Variants in JAG2 observed in about 807,000 individuals in gnomAD.
JAG2 encodes the protein protein jagged-2.
Under a neutral mutation model 141.7 loss-of-function variants are expected in JAG2, and 46 were observed. The ratio of observed to expected loss-of-function variants is 0.32; its 90% CI spans 0.26 to 0.42. The LOEUF (loss-of-function observed/expected upper bound fraction) is 0.42, where lower values mean the gene tolerates loss of function less well. JAG2 is among the 10% of genes least tolerant of loss of function. The pLI, the probability that JAG2 is intolerant of heterozygous loss-of-function variation, is 1.00. For synonymous variants in JAG2, 862 were observed against 763.5 expected, an observed-to-expected ratio of 1.13 and a Z score of -2.13; for missense variants, 1,500 against 1,817.5, an observed-to-expected ratio of 0.83 and a Z score of 3.18.
At chr14:105,155,530 G>A in intron 5 of JAG2, 32 bp downstream of exon 5, 1 of 1,611,694 alleles carries the variant, frequency 6.2e-7, no homozygotes, top group Non-Finnish European at 8.5e-7. Context: ...GCAAAGGTTG[G>A]GAGGGCAAAG....
rs764315069 is a variant in JAG2, at chr14:105,147,318, C to T, written c.2479+8G>A. 2 of 1,552,418 alleles carry T rather than the reference C, an allele frequency of 1.3e-6. No homozygotes were observed. Among genetic ancestry groups the T allele is most frequent in the South Asian group, 1.2e-5 (1 of 84,326 alleles). On this transcript the variant is annotated splice_region_variant and intron_variant, in intron 20 of 25. Coordinates refer to ENST00000331782, the MANE Select transcript of JAG2 (RefSeq NM_002226.5). ...GGCTCCCAGGGCTGGGGCTGTCTGG[C>T]CACTCACTGATGCGGCAGTCAGGCC...
Position 105,168,065 on chromosome 14 carries a change from G to C in JAG2, c.109C>G (p.Leu37Val). ...MGYFELQLSA[L>V]RNVNGELLSG... ...AGCAGCTCCCCGTTCACGTTCCGCA[G>C]CGCGCTCAGCTGCAGCTCGAAATAG... The change falls in exon 2 of 26, where the codon CTG becomes GTG. Residue 37 changes from leucine to valine, a missense_variant. Around this residue, in one of 3 missense-constraint regions of JAG2, gnomAD observed 200 missense variants for 174.3 expected, o/e 1.15. Transcript: ENST00000331782. 1 of 1,589,666 alleles carries C rather than the reference G, an allele frequency of 6.3e-7. No homozygotes were observed. Among genetic ancestry groups the C allele is most frequent in the East Asian group, 2.3e-5 (1 of 43,852 alleles).
In JAG2 at chr14:105,147,655, T is replaced by TGGGGGC. The variant is rs1415231569; in HGVS notation, c.2365+111_2365+116dup. ...GGTCATCAAGGAGGGTGCCTTTTGC[T>TGGGGGC]GGGGGCAGGGGCAGCAGGGGGAGGG... On this transcript the variant is annotated intron_variant, in intron 18 of 25. Transcript: ENST00000331782. The TGGGGGC allele has an allele frequency of 5.2e-6, 4 of 763,420 alleles. No homozygotes were observed. In the African/African-American group the frequency reaches 9.7e-5, roughly 18 times the overall value. 47.3% of individuals were successfully genotyped at this position (763,420 alleles called of 1,614,324 possible).
Position 105,149,017 on chromosome 14 carries a change from T to C in JAG2, c.1826A>G (p.His609Arg), listed in dbSNP as rs776831662. 2 of 1,607,142 alleles carry C rather than the reference T, an allele frequency of 1.2e-6. No individual in the cohort carries two copies. Among genetic ancestry groups the C allele is most frequent in the Admixed American group, 3.4e-5 (2 of 59,466 alleles). Reference sequence around the variant, plus strand: ...CCCTGGCTGGCTGACGCAGCGTCCATGGGGGCCACACACGCCGGAGGCTGC... The same window carrying C: ...CCCTGGCTGGCTGACGCAGCGTCCACGGGGGCCACACACGCCGGAGGCTGC... The part of the protein sequence containing the change: ...GTAASGVCGP[H>R]GRCVSQPGGN... The change falls in exon 14 of 26, where the codon CAT becomes CGT. Residue 609 changes from histidine (H) to arginine (R), a missense_variant. Physicochemically the swap from His to Arg is conservative, Grantham distance 29. Around this residue, in one of 3 missense-constraint regions of JAG2, gnomAD observed 875 missense variants for 1,202.2 expected, o/e 0.73. Coordinates refer to ENST00000331782, the MANE Select transcript of JAG2 (RefSeq NM_002226.5).
intron 2 of JAG2, among the ~76,000 whole-genome samples, chr14:105,166,760 C>T (rs1888924258): frequency 6.6e-6 from 1 of 152,224 alleles, no homozygotes; most frequent in African/African-American, 2.4e-5. Flanking sequence ...CAGGTGGGCA[C>T]ACTCCGGTGC....
In JAG2 at chr14:105,145,850, C is replaced by T. The variant is rs1888206840; in HGVS notation, c.2833G>A (p.Ala945Thr). 14 of 1,561,534 alleles carry T rather than the reference C, an allele frequency of 9.0e-6. No homozygotes were observed. The highest frequency in any genetic ancestry group is 3.8e-5 in the Admixed American group (2 of 52,564). The change falls in exon 23 of 26, where the codon GCC becomes ACC. Residue 945 changes from alanine (A) to threonine (T), a missense_variant. Physicochemically the swap from Ala to Thr is moderately conservative, Grantham distance 58. This residue lies in a region of JAG2 where 425 missense variants were observed against 441.0 expected (regional missense o/e 0.96). Transcript: ENST00000331782. Reference protein sequence around the residue: ...PGQCLRPPCEAWGECGAEEPP... With the variant: ...PGQCLRPPCETWGECGAEEPP... ...TCTTCTGCGCCGCACTCCCCCCAGGCCTCACAGGGTGGTCGCAGACACTGG... is the reference window on the plus strand; with the variant it reads ...TCTTCTGCGCCGCACTCCCCCCAGGTCTCACAGGGTGGTCGCAGACACTGG...
rs374092502 is a variant in JAG2, at chr14:105,150,784, G to A, written c.1429-7C>T. The A allele has an allele frequency of 6.3e-5, 99 of 1,583,598 alleles. No individual in the cohort carries two copies. The African/African-American group carries it at 6.3e-4, about 10-fold the overall frequency. On this transcript the variant is annotated splice_region_variant and splice_polypyrimidine_tract_variant and intron_variant, in intron 11 of 25. Coordinates refer to ENST00000331782, the MANE Select transcript of JAG2 (RefSeq NM_002226.5). ...GGTACCCGTTCACCAGGTCCTGGGC[G>A]GGCCAGCCAGGTGAGCGTCCCGCAG...
rs376316136 is a variant in JAG2 at position 105,147,896 on chromosome 14, G to A, written c.2249-8C>T. 39 of 1,544,838 alleles carry A rather than the reference G, an allele frequency of 2.5e-5. 1 individual carries two copies. The South Asian group carries it at 4.2e-4, about 17-fold the overall frequency. ...GGCAGCTGCTGTTCTTGGCTGTAAG[G>A]AGAGGAGGAGGAGGGAGCGTCTCAC... On this transcript the variant is annotated splice_region_variant and splice_polypyrimidine_tract_variant and intron_variant, in intron 17 of 25. Coordinates refer to ENST00000331782, the MANE Select transcript of JAG2 (RefSeq NM_002226.5).
intron 5 of JAG2, among the ~76,000 whole-genome samples, chr14:105,152,780 G>GTAAAGTCCCACAAGGTACC (rs1472266926): frequency 6.6e-6 from 1 of 152,128 alleles, no homozygotes; most frequent in African/African-American, 2.4e-5. Context: ...CTCGCTCCCA[G>GTAAAGTCCCACAAGGTACC]TAAAGTCCCA....
At position 105,142,966 on chromosome 14, in the gene JAG2, T is replaced by C; in HGVS notation, c.3446A>G (p.Tyr1149Cys). 1 of 1,610,374 alleles carries C rather than the reference T, an allele frequency of 6.2e-7. No homozygotes were observed. Among genetic ancestry groups the C allele is most frequent in the Admixed American group, 1.7e-5 (1 of 59,954 alleles). ...ERPGGHKDVL[Y>C]QCKNFTPPPR... ...CGGCGGCGTGAAGTTCTTGCACTGG[T>C]AGAGCACGTCCTTGTGGCCCCCCGG... Residue 1149 changes from tyrosine (Y) to cysteine (C), a missense_variant, in exon 26 of 26, where the codon TAC becomes TGC. Physicochemically the swap from Tyr to Cys is radical, Grantham distance 194. Around this residue, in one of 3 missense-constraint regions of JAG2, gnomAD observed 425 missense variants for 441.0 expected, o/e 0.96. Coordinates refer to ENST00000331782, the MANE Select transcript of JAG2 (RefSeq NM_002226.5).
intron 2 of JAG2, among the ~76,000 whole-genome samples, chr14:105,166,113 C>T (rs1357545956): frequency 1.3e-5 from 2 of 152,234 alleles, no homozygotes; most frequent in African/African-American, 2.4e-5. Flanking sequence ...TTCGAGGAAC[C>T]GGCTGGAAGC....
chr14:105,154,133 C>T lies in JAG2; in HGVS notation c.788+1429G>A, dbSNP rs1888514299. 6.6e-6 allele frequency among the ~76,000 whole-genome samples: 1 copy of T among 152,184 alleles called. No homozygotes were observed. Among genetic ancestry groups the T allele is most frequent in the African/African-American group, 2.4e-5 (1 of 41,436 alleles). ...TGGGGCCTGTGGAAGGGTCACCCAC[C>T]TCCCCACCTTGGCTCCCAACTCAGC... is the stretch of plus-strand genomic sequence containing the variant. On this transcript the variant is annotated intron_variant, in intron 5 of 25. Coordinates refer to ENST00000331782, the MANE Select transcript of JAG2 (RefSeq NM_002226.5). The surrounding 1 kb of genome is among the most constrained non-coding windows in gnomAD (Gnocchi z 4.4).
At chr14:105,155,669 G>T in intron 4 of JAG2, 47 bp from the exon 5 acceptor site, 2 of 1,612,280 alleles carry the variant, frequency 1.2e-6, no homozygotes, top group Non-Finnish European at 1.7e-6. Flanking sequence ...CAGCCTGGCC[G>T]CAAGGCCTGT....
At chr14:105,147,620 G>A (rs1014445967) in intron 18 of JAG2, 93 bp from the exon 19 acceptor site, 5 of 1,346,158 alleles carry the variant, frequency 3.7e-6, no homozygotes, top group Non-Finnish European at 5.3e-6. Flanking sequence ...CAGGCTGTGG[G>A]GCTGGGGAGG....
At chr14:105,147,731 T>G in intron 18 of JAG2, 41 bp downstream of exon 18, 4 of 1,386,960 alleles carry the variant, frequency 2.9e-6, no homozygotes, top group Non-Finnish European at 4.0e-6. Context: ...GTCATCTGGG[T>G]GGAGGAAAGC....
intron 18 of JAG2, 101 bp downstream of exon 18, chr14:105,147,671 A>C: frequency 3.8e-6 from 3 of 789,906 alleles, no homozygotes; most frequent in Non-Finnish European, 6.0e-6. Flanking sequence ...CAGGGGCAGC[A>C]GGGGGAGGGG....
chr14:105,161,319 G>T (rs1348223515), intron 2 of JAG2, among the ~76,000 whole-genome samples: 1 of 152,176 alleles, frequency 6.6e-6, no homozygotes, highest in Admixed American at 6.5e-5. Context: ...GCAATAGTGA[G>T]GTCAGAGGAT....
chr14:105,157,423 C>T (rs1269740448), intron 3 of JAG2, among the ~76,000 whole-genome samples: 1 of 152,146 alleles, frequency 6.6e-6, no homozygotes, highest in East Asian at 1.9e-4. Context: ...CAGAGACACA[C>T]TCAAGGGTGT....
chr14:105,153,937 C>T (rs756403044), intron 5 of JAG2, among the ~76,000 whole-genome samples: 15 of 152,218 alleles, frequency 9.9e-5, no homozygotes, highest in Non-Finnish European at 1.9e-4. Flanking sequence ...CTACATCTGC[C>T]CAGACCAGGT....
Sources: allele counts gnomAD v4.1 joint callset (sites outside exome capture counted in the v4.1 genomes callset), GRCh38; gene constraint gnomAD v4.1.1; regional missense constraint gnomAD v4.1.1; non-coding constraint Gnocchi (gnomAD v3.1); transcripts MANE v1.5; gene names NCBI Gene and HGNC (gene_info 2026-07-23, HGNC 2026-07-21).